ERCC6L2: variants seen among roughly 807,000 people sequenced by gnomAD.
ERCC6L2 encodes the protein ERCC excision repair 6 like 2.
ERCC6L2 carries 77 observed loss-of-function variants against 132.0 expected under a neutral mutation model. That is an observed-to-expected ratio of 0.58 (90% CI 0.49 to 0.71). The LOEUF is 0.71. Ranked by LOEUF, ERCC6L2 falls within the 30% of genes least tolerant of loss-of-function variation. ERCC6L2 has a pLI of 0.00. For missense variants in ERCC6L2, 1,542 were observed against 1,837.6 expected, an observed-to-expected ratio of 0.84 and a Z score of 2.94; for synonymous variants, 583 against 632.4, an observed-to-expected ratio of 0.92 and a Z score of 1.17.
intron 19 of ERCC6L2, among the ~76,000 whole-genome samples, chr9:96,027,381 G>A (rs1834393042): frequency 3.3e-5 from 5 of 152,192 alleles, no homozygotes; most frequent in Admixed American, 3.3e-4. Flanking sequence ...GAGAGCCCAG[G>A]CCCCGCGGGC....
At position 95,972,738 on chromosome 9, in the gene ERCC6L2, A is replaced by G. The variant is rs1361989152; in HGVS notation, c.2987A>G (p.Lys996Arg). Residue 996 changes from lysine to arginine, a missense_variant, in exon 16 of 19, where the codon AAG becomes AGG. Lys to Arg is a conservative substitution (Grantham distance 26). Around this residue, in one of 4 missense-constraint regions of ERCC6L2, gnomAD observed 945 missense variants for 1,105.2 expected, o/e 0.86. Coordinates refer to ENST00000653738, the MANE Select transcript of ERCC6L2 (RefSeq NM_020207.7). ...ATTTCTTCCAAGTCAAGAGTAAGAAAGAGAGCTAGTTCATTGAGGTTTAAG... is the reference window on the plus strand; with the variant it reads ...ATTTCTTCCAAGTCAAGAGTAAGAAGGAGAGCTAGTTCATTGAGGTTTAAG... ...IEISSKSRVR[K>R]RASSLRFKRI... 1.5e-6 allele frequency: 2 copies of G among 1,303,148 alleles called. No individual in the cohort carries two copies. Among genetic ancestry groups the G allele is most frequent in the Non-Finnish European group, 2.0e-6 (2 of 988,848 alleles). 80.7% of individuals were successfully genotyped at this position (1,303,148 alleles called of 1,614,324 possible).
rs932248387 is a variant in ERCC6L2 at position 95,903,314 on chromosome 9, T to A, written c.595-3764T>A. On this transcript the variant is annotated intron_variant, in intron 3 of 18. Coordinates refer to ENST00000653738, the MANE Select transcript of ERCC6L2 (RefSeq NM_020207.7). The stretch of plus-strand genomic sequence containing the variant: ...TTATTCTGTCCTAATTATTTGTTCA[T>A]TTCTCTTCCAGTGCTAAACAGTTTT... Among the ~76,000 whole-genome samples, 25 of 152,098 alleles carry A rather than the reference T, an allele frequency of 1.6e-4. 1 individual carries two copies. Among genetic ancestry groups the A allele is most frequent in the Admixed American group, 7.2e-4 (11 of 15,270 alleles).
chr9:95,983,982 CTT>C (rs890139460), intron 17 of ERCC6L2, among the ~76,000 whole-genome samples: 3 of 151,968 alleles, frequency 2.0e-5, no homozygotes, highest in African/African-American at 4.8e-5. Context: ...ACAAACCAGT[CTT>C]TTAATTTTTC....
intron 6 of ERCC6L2, chr9:95,918,382 T>C (rs926049020): frequency 8.3e-6 from 3 of 360,682 alleles, no homozygotes; most frequent in African/African-American, 6.4e-5. Flanking sequence ...CAGATTTTAT[T>C]TGAGTCCGCT....
At chr9:95,954,653 T>G (rs1831508514) in intron 12 of ERCC6L2, 1 of 397,756 alleles carries the variant, frequency 2.5e-6, no homozygotes, top group African/African-American at 2.1e-5. Context: ...ATGGAATCTC[T>G]CCCATTCACC....
rs1564220310 is a variant in ERCC6L2 at position 95,916,315 on chromosome 9, AAG to A, written c.1045_1046del (p.Glu349ThrfsTer33). The A allele has an allele frequency of 2.5e-6, 4 of 1,614,162 alleles. No homozygotes were observed. Among genetic ancestry groups the A allele is most frequent in the Non-Finnish European group, 3.4e-6 (4 of 1,180,016 alleles). ...ACATGGTCAGAGACACACGGCAACA[AAG>A]AGAGAACTAGCCACTGGCCGAAAGG... Reference protein sequence around the residue: ...VEHGQRHTATKRELATGRKAM... With the variant: ...VEHGQRHTATXRELATGRKAM... On this transcript the variant is annotated frameshift_variant, in exon 6 of 19. Transcript: ENST00000653738. LOFTEE classifies it high-confidence loss of function.
At chr9:95,911,305 T>TA (rs1253283843) in intron 4 of ERCC6L2, among the ~76,000 whole-genome samples, 1 of 152,208 alleles carries the variant, frequency 6.6e-6, no homozygotes, top group Admixed American at 6.5e-5. Flanking sequence ...AATTATTTCT[T>TA]ACCTGTCTGT....
At chr9:95,923,064 A>G (rs889096623) in intron 8 of ERCC6L2, among the ~76,000 whole-genome samples, 196 bp from the exon 9 acceptor site, 1 of 152,220 alleles carries the variant, frequency 6.6e-6, no homozygotes, top group South Asian at 2.1e-4. Context: ...TAATAACCAC[A>G]TCATTAAGAA....
In ERCC6L2 at chr9:96,012,668, G is replaced by A. The variant is rs1834070941; in HGVS notation, c.4118G>A (p.Ser1373Asn). The change falls in exon 19 of 19, where the codon AGC becomes AAC. Residue 1373 changes from serine (S) to asparagine (N), a missense_variant. Ser to Asn is a conservative substitution (Grantham distance 46, BLOSUM62 1). Transcript: ENST00000653738. ...CAAGAGATTGACAGTGGGAAAAACAGCCAGGCATCCGAAGATACTGTGACA... is the reference window on the plus strand; with the variant it reads ...CAAGAGATTGACAGTGGGAAAAACAACCAGGCATCCGAAGATACTGTGACA... The part of the protein sequence containing the change: ...STQEIDSGKN[S>N]QASEDTVTSR... 7.3e-7 allele frequency: 1 copy of A among 1,367,504 alleles called. No individual in the cohort carries two copies. Among genetic ancestry groups the A allele is most frequent in the Admixed American group, 1.9e-5 (1 of 52,570 alleles). The allele number at this position is 1,367,504 out of a possible 1,614,324, so 84.7% of individuals were successfully genotyped here.
rs1588060382 is a variant in ERCC6L2 at position 96,016,123 on chromosome 9, A to C, written c.*2920A>C. On this transcript the variant is annotated 3_prime_UTR_variant, in exon 19 of 19. Coordinates refer to ENST00000653738, the MANE Select transcript of ERCC6L2 (RefSeq NM_020207.7). ...ATGTGTCACCAAGTTCTGCTAACTA[A>C]ATGGGTGGCCTCAAGCAAATCCCTT... Among the ~76,000 whole-genome samples the C allele has an allele frequency of 6.6e-6, 1 of 152,134 alleles. No individual in the cohort carries two copies. Among genetic ancestry groups the C allele is most frequent in the East Asian group, 1.9e-4 (1 of 5,180 alleles).
chr9:95,883,995 A>G (rs1827735297), intron 2 of ERCC6L2, among the ~76,000 whole-genome samples: 1 of 152,230 alleles, frequency 6.6e-6, no homozygotes, highest in Non-Finnish European at 1.5e-5. Flanking sequence ...GCTGTCTTTC[A>G]TCTCTGAGGC....
chr9:95,982,920 C>T (rs930835663), intron 17 of ERCC6L2, among the ~76,000 whole-genome samples: 16 of 152,072 alleles, frequency 1.1e-4, no homozygotes, highest in East Asian at 1.9e-4. Flanking sequence ...CTGGAGGCTA[C>T]GAGAAGCTGT....
chr9:95,992,308 C>T (rs185949223), intron 17 of ERCC6L2, among the ~76,000 whole-genome samples: 10 of 152,234 alleles, frequency 6.6e-5, no homozygotes, highest in African/African-American at 2.4e-4. Flanking sequence ...CAAACAAAAA[C>T]TCCTTGAGAT....
At chr9:95,954,616 T>G in intron 12 of ERCC6L2, 1 of 360,626 alleles carries the variant, frequency 2.8e-6, no homozygotes, top group Non-Finnish European at 5.7e-6. Flanking sequence ...AATTTTTGTC[T>G]GTAAAGATTA....
intron 2 of ERCC6L2, among the ~76,000 whole-genome samples, chr9:95,883,110 A>G (rs978793345): frequency 3.9e-5 from 6 of 152,298 alleles, no homozygotes; most frequent in East Asian, 1.9e-4. Flanking sequence ...AGGCCTCTCA[A>G]AAAGTATCAA....
chr9:95,924,540 G>C (rs951115641), intron 9 of ERCC6L2, among the ~76,000 whole-genome samples: 5 of 152,040 alleles, frequency 3.3e-5, no homozygotes, highest in Non-Finnish European at 7.4e-5. Context: ...GTTTAAACCA[G>C]TAGAACATTT....
intron 2 of ERCC6L2, among the ~76,000 whole-genome samples, chr9:95,891,768 G>A (rs548088773): frequency 4.6e-5 from 7 of 151,902 alleles, no homozygotes; most frequent in East Asian, 1.9e-4. Flanking sequence ...ATTTCATTAC[G>A]GTTTTGATTT....
chr9:95,968,844 G>A (rs1233197083), intron 14 of ERCC6L2: 1 of 152,170 alleles, frequency 6.6e-6, no homozygotes, highest in African/African-American at 2.4e-5. Context: ...CTGTCTACCA[G>A]AAGTCTGCAT....
At chr9:95,892,424 CTTT>C (rs532088236) in intron 2 of ERCC6L2, among the ~76,000 whole-genome samples, 17 of 115,108 alleles carry the variant, frequency 1.5e-4, no homozygotes, top group African/African-American at 1.3e-4. Flanking sequence ...GTGTATAAAT[CTTT>C]TTTTTTTTTT....
Sources: allele counts gnomAD v4.1 joint callset (sites outside exome capture counted in the v4.1 genomes callset), GRCh38; gene constraint gnomAD v4.1.1; regional missense constraint gnomAD v4.1.1; transcripts MANE v1.5; gene names NCBI Gene and HGNC (gene_info 2026-07-23, HGNC 2026-07-21).